The following BBX variants were observed in gnomAD, a reference collection of about 807,000 sequenced individuals.
BBX encodes the protein BBX high mobility group box domain containing.
Under a neutral mutation model 100.2 loss-of-function variants are expected in BBX, and 30 were observed. That is an observed-to-expected ratio of 0.30 (90% CI 0.22 to 0.41). The LOEUF (loss-of-function observed/expected upper bound fraction) is 0.41, where lower values mean the gene tolerates loss of function less well. Ranked by LOEUF, BBX falls within the 10% of genes least tolerant of loss-of-function variation. The probability of loss-of-function intolerance (pLI) is 1.00; values close to 1 mark genes in which losing one functional copy is unlikely to be tolerated. For missense variants in BBX, 1,023 were observed against 1,129.8 expected (o/e 0.91, Z 1.35); for synonymous variants, 376 against 388.1 (o/e 0.97, Z 0.37).
chr3:107,628,503 AATTT>A (rs2056348709), intron 2 of BBX, among the ~76,000 whole-genome samples: 2 of 152,054 alleles, frequency 1.3e-5, no homozygotes, highest in African/African-American at 4.8e-5. Flanking sequence ...TAGATTAAAT[AATTT>A]TTTTCTCATA....
At chr3:107,731,127 C>T (rs2107520469) in intron 6 of BBX, among the ~76,000 whole-genome samples, 1 of 152,228 alleles carries the variant, frequency 6.6e-6, no homozygotes, top group South Asian at 2.1e-4. Context: ...CTATGTATGT[C>T]AATATGTTTT....
intron 3 of BBX, among the ~76,000 whole-genome samples, chr3:107,649,303 T>TA (rs202054223): frequency 5.3e-5 from 8 of 151,408 alleles, no homozygotes; most frequent in Non-Finnish European, 1.0e-4. Context: ...CTGCATATCT[T>TA]AAAAAAAAAT....
intron 4 of BBX, among the ~76,000 whole-genome samples, chr3:107,715,880 G>T (rs1370043477): frequency 1.3e-5 from 2 of 152,226 alleles, no homozygotes; most frequent in African/African-American, 4.8e-5. Context: ...GATTTTGAAG[G>T]TTTAAGCCTA....
chr3:107,586,174 A>G (rs973186591), intron 2 of BBX, among the ~76,000 whole-genome samples: 1 of 152,186 alleles, frequency 6.6e-6, no homozygotes, highest in African/African-American at 2.4e-5. Context: ...CTTAACAGTA[A>G]TCTGATATTC....
chr3:107,555,483 C>T (rs1296112933), intron 2 of BBX, among the ~76,000 whole-genome samples: 1 of 152,154 alleles, frequency 6.6e-6, no homozygotes, highest in East Asian at 1.9e-4. Flanking sequence ...CTGCTGTGAT[C>T]ACATCACTGT....
intron 13 of BBX, among the ~76,000 whole-genome samples, chr3:107,780,975 C>T (rs2067821731): frequency 6.6e-6 from 1 of 151,776 alleles, no homozygotes; most frequent in African/African-American, 2.4e-5. Context: ...GATAATTTGC[C>T]ATTTGTCTAT....
At chr3:107,686,637 T>C (rs912420859) in intron 3 of BBX, among the ~76,000 whole-genome samples, 1 of 152,174 alleles carries the variant, frequency 6.6e-6, no homozygotes, top group African/African-American at 2.4e-5. Flanking sequence ...GAACTCCCCA[T>C]TGATTTTTTC....
chr3:107,699,577 C>G (rs1450547681), intron 3 of BBX, among the ~76,000 whole-genome samples: 5 of 151,996 alleles, frequency 3.3e-5, no homozygotes, highest in African/African-American at 1.2e-4. Context: ...GCTGAACCAA[C>G]CTTGTGGGGC....
At chr3:107,570,687 G>A (rs1352944397) in intron 2 of BBX, among the ~76,000 whole-genome samples, 1 of 152,082 alleles carries the variant, frequency 6.6e-6, no homozygotes, top group Non-Finnish European at 1.5e-5. Flanking sequence ...GGGGAGCGGA[G>A]GCTGAGGAAG....
At chr3:107,535,592 C>A (rs2048435621) in intron 2 of BBX, among the ~76,000 whole-genome samples, 2 of 138,976 alleles carry the variant, frequency 1.4e-5, no homozygotes, top group South Asian at 2.1e-4. Flanking sequence ...GTGCTCTGTT[C>A]CTTTTTTTTT....
At chr3:107,530,832 C>G (rs2048113776) in intron 2 of BBX, among the ~76,000 whole-genome samples, 1 of 152,224 alleles carries the variant, frequency 6.6e-6, no homozygotes, top group African/African-American at 2.4e-5. Context: ...CTATTCCTAA[C>G]TAATCTTTAT....
chr3:107,772,498 G>A (rs2066987108), intron 10 of BBX, 130 bp from the exon 11 acceptor site: 3 of 984,086 alleles, frequency 3.0e-6, no homozygotes, highest in Non-Finnish European at 4.3e-6. Context: ...GGCAGAAGTG[G>A]GCTGATTGTT....
chr3:107,711,547 C>T (rs2107317033), intron 4 of BBX, among the ~76,000 whole-genome samples: 1 of 152,298 alleles, frequency 6.6e-6, no homozygotes, highest in Non-Finnish European at 1.5e-5. Flanking sequence ...TCTGGATACC[C>T]TCTAAGGTCT....
At chr3:107,737,776 AT>A (rs1200373485) in intron 7 of BBX, among the ~76,000 whole-genome samples, 16 of 150,264 alleles carry the variant, frequency 1.1e-4, no homozygotes, top group Non-Finnish European at 2.2e-4. Flanking sequence ...TGATCTGCCT[AT>A]TTTAAAATGT....
intron 2 of BBX, among the ~76,000 whole-genome samples, chr3:107,529,445 T>C (rs2048002682): frequency 6.6e-6 from 1 of 152,210 alleles, no homozygotes; most frequent in South Asian, 2.1e-4. Flanking sequence ...TACTGCTTTG[T>C]TTTTATCGTG....
intron 2 of BBX, among the ~76,000 whole-genome samples, chr3:107,593,642 G>A (rs1159264984): frequency 6.6e-6 from 1 of 152,142 alleles, no homozygotes; most frequent in Non-Finnish European, 1.5e-5. Context: ...TCACAGATGG[G>A]AGTCATCTGC....
At chr3:107,651,233 T>C (rs1424655234) in intron 3 of BBX, among the ~76,000 whole-genome samples, 2 of 152,196 alleles carry the variant, frequency 1.3e-5, no homozygotes, top group African/African-American at 4.8e-5. Context: ...TTCTACGTGA[T>C]TTAGTCTATA....
chr3:107,561,326 A>C (rs2050480751), intron 2 of BBX, among the ~76,000 whole-genome samples: 1 of 152,222 alleles, frequency 6.6e-6, no homozygotes, highest in African/African-American at 2.4e-5. Flanking sequence ...CACTGAGGGG[A>C]GCAATTTGCC....
rs911968684 is a variant in BBX, at chr3:107,806,922, G to A, written c.*1465G>A. ...ATTTTTAATGGTTTTCAAACTGGCG[G>A]AATTTTGACAGTGCTAGTTCGAGTT... On this transcript the variant is annotated 3_prime_UTR_variant, in exon 18 of 18. Transcript: ENST00000325805. The A allele has an allele frequency of 6.6e-6, 1 of 152,172 alleles. No individual in the cohort carries two copies. Among genetic ancestry groups the A allele is most frequent in the African/African-American group, 2.4e-5 (1 of 41,438 alleles). The allele number at this position is 152,172 out of a possible 1,614,324, so 9.4% of individuals were successfully genotyped here.
Sources: allele counts gnomAD v4.1 joint callset (sites outside exome capture counted in the v4.1 genomes callset), GRCh38; gene constraint gnomAD v4.1.1; transcripts MANE v1.5; gene names NCBI Gene and HGNC (gene_info 2026-07-23, HGNC 2026-07-21).